Variants in NFKB1 observed in about 807,000 individuals in gnomAD.
NFKB1 encodes the protein nuclear factor kappa B subunit 1.
NFKB1 carries 9 observed loss-of-function variants against 105.1 expected under a neutral mutation model. That is an observed-to-expected ratio of 0.09 (90% CI 0.05 to 0.15). The LOEUF (loss-of-function observed/expected upper bound fraction) is 0.15. NFKB1 is among the 10% of genes least tolerant of loss of function. NFKB1 has a pLI of 1.00. For synonymous variants in NFKB1, 440 were observed against 442.2 expected, an observed-to-expected ratio of 1.00 and a Z score of 0.06; for missense variants, 830 against 1,203.7, an observed-to-expected ratio of 0.69 and a Z score of 4.59.
intron 1 of NFKB1, among the ~76,000 whole-genome samples, chr4:102,511,471 T>C (rs1739775916): frequency 6.6e-6 from 1 of 152,150 alleles, no homozygotes; most frequent in East Asian, 1.9e-4. Flanking sequence ...ACCCAGGAAT[T>C]TGAGACCAGC....
At chr4:102,540,000 A>C (rs1202460955) in intron 5 of NFKB1, among the ~76,000 whole-genome samples, 1 of 152,148 alleles carries the variant, frequency 6.6e-6, no homozygotes, top group African/African-American at 2.4e-5. Flanking sequence ...CCTTTTTAAC[A>C]CATGTGTCTG....
chr4:102,599,669 A>G (rs1029413736), intron 15 of NFKB1, among the ~76,000 whole-genome samples: 3 of 152,190 alleles, frequency 2.0e-5, no homozygotes. Flanking sequence ...CTGGGCTTGA[A>G]TCCCAGCTTC....
intron 1 of NFKB1, among the ~76,000 whole-genome samples, chr4:102,502,916 T>C (rs993767836): frequency 6.6e-6 from 1 of 152,180 alleles, no homozygotes; most frequent in Non-Finnish European, 1.5e-5. Flanking sequence ...TAGTAAATAG[T>C]AAAGGTTAGG....
intron 1 of NFKB1, among the ~76,000 whole-genome samples, chr4:102,515,399 C>A (rs532747321): frequency 4.6e-5 from 7 of 152,014 alleles, no homozygotes; most frequent in Admixed American, 2.6e-4. Context: ...CGTGAGCCAC[C>A]GCGCCCGGCC....
chr4:102,582,826 C>A, intron 9 of NFKB1, 40 bp from the exon 10 acceptor site: 1 of 1,299,202 alleles, frequency 7.7e-7, no homozygotes, highest in Non-Finnish European at 1.1e-6. Context: ...ATACTATTTA[C>A]ACTATGTGAA....
At chr4:102,575,905 C>G (rs1303908772) in intron 6 of NFKB1, among the ~76,000 whole-genome samples, 1 of 152,182 alleles carries the variant, frequency 6.6e-6, no homozygotes, top group Admixed American at 6.5e-5. Context: ...TTACTGCTGA[C>G]AAAAGCATCT....
chr4:102,615,963 A>C (rs1380362123), intron 23 of NFKB1, among the ~76,000 whole-genome samples: 1 of 152,212 alleles, frequency 6.6e-6, no homozygotes, highest in Non-Finnish European at 1.5e-5. Context: ...TTTTATTGCT[A>C]CCAAAAATGT....
chr4:102,543,974 C>A (rs1721928664), intron 5 of NFKB1, among the ~76,000 whole-genome samples: 1 of 152,118 alleles, frequency 6.6e-6, no homozygotes, highest in Non-Finnish European at 1.5e-5. Flanking sequence ...CCCCTATGTA[C>A]ATTATACTGT....
chr4:102,534,735 T>C (rs987017412), intron 4 of NFKB1, among the ~76,000 whole-genome samples: 5 of 152,190 alleles, frequency 3.3e-5, no homozygotes, highest in East Asian at 1.9e-4. Context: ...TATGGATACC[T>C]GTCCTCTTGC....
At chr4:102,575,846 T>C (rs1337361796) in intron 6 of NFKB1, among the ~76,000 whole-genome samples, 1 of 152,240 alleles carries the variant, frequency 6.6e-6, no homozygotes, top group African/African-American at 2.4e-5. Flanking sequence ...TCTTTGTTTC[T>C]TCTCCGTTGT....
intron 5 of NFKB1, 66 bp downstream of exon 5, chr4:102,538,022 G>A: frequency 4.9e-6 from 5 of 1,027,988 alleles, no homozygotes; most frequent in Non-Finnish European, 1.5e-6. Flanking sequence ...GATTTCCAAG[G>A]AATTGCTTTA....
At chr4:102,507,966 G>A (rs546161528) in intron 1 of NFKB1, among the ~76,000 whole-genome samples, 29 of 152,272 alleles carry the variant, frequency 1.9e-4, no homozygotes, top group Non-Finnish European at 3.2e-4. Context: ...GCCCAAGCCT[G>A]CAGTTCATTT....
intron 11 of NFKB1, among the ~76,000 whole-genome samples, chr4:102,588,695 T>C (rs1297237910): frequency 6.6e-6 from 1 of 152,200 alleles, no homozygotes; most frequent in African/African-American, 2.4e-5. Flanking sequence ...TCAACTGTTA[T>C]GTAAAGTCAT....
At chr4:102,580,692 C>G in intron 9 of NFKB1, 53 bp downstream of exon 9, 1 of 1,369,180 alleles carries the variant, frequency 7.3e-7, no homozygotes, top group Non-Finnish European at 1.0e-6. Context: ...TGACACACTA[C>G]AGTTCTGAGT....
At chr4:102,507,601 C>T (rs1461365427) in intron 1 of NFKB1, among the ~76,000 whole-genome samples, 4 of 152,044 alleles carry the variant, frequency 2.6e-5, no homozygotes, top group African/African-American at 9.7e-5. Flanking sequence ...CTAGCTTGGC[C>T]AAGGTGAACC....
At chr4:102,556,719 T>C (rs1210495432) in intron 5 of NFKB1, among the ~76,000 whole-genome samples, 1 of 152,204 alleles carries the variant, frequency 6.6e-6, no homozygotes, top group Non-Finnish European at 1.5e-5. Flanking sequence ...TTATGTACTT[T>C]GTAGGGAGAA....
intron 19 of NFKB1, among the ~76,000 whole-genome samples, chr4:102,609,122 C>G (rs1728118760): frequency 8.9e-6 from 1 of 112,306 alleles, no homozygotes; most frequent in Non-Finnish European, 1.9e-5. Flanking sequence ...CACTGCACTC[C>G]AGCCTGAGCT....
At chr4:102,520,051 A>G (rs545202856) in intron 1 of NFKB1, among the ~76,000 whole-genome samples, 6 of 152,314 alleles carry the variant, frequency 3.9e-5, no homozygotes, top group African/African-American at 1.4e-4. Flanking sequence ...TCTGTGCAGT[A>G]TAGGATGTGT....
chr4:102,531,201 T>C (rs147177288), intron 3 of NFKB1, among the ~76,000 whole-genome samples: 1,775 of 152,316 alleles, frequency 0.012, 22 homozygotes, highest in Non-Finnish European at 0.019. Flanking sequence ...TTCGGATTTA[T>C]GGGCATGAAA....
Sources: allele counts gnomAD v4.1 joint callset (sites outside exome capture counted in the v4.1 genomes callset), GRCh38; gene constraint gnomAD v4.1.1; transcripts MANE v1.5; gene names NCBI Gene and HGNC (gene_info 2026-07-23, HGNC 2026-07-21).